The following LEPR variants were observed in gnomAD, a reference collection of about 807,000 sequenced individuals.
The protein encoded by LEPR is leptin receptor.
In LEPR, 56 loss-of-function variants were observed where a neutral mutation model predicts 114.7. The ratio of observed to expected loss-of-function variants is 0.49; its 90% CI spans 0.39 to 0.61. The LOEUF (loss-of-function observed/expected upper bound fraction) is 0.61, where lower values mean the gene tolerates loss of function less well. LEPR is among the 20% of genes least tolerant of loss of function. The pLI is 0.00. For synonymous variants in LEPR, 443 were observed against 461.4 expected (o/e 0.96, Z 0.51); for missense variants, 1,202 against 1,352.9 (o/e 0.89, Z 1.75).
intron 2 of LEPR, among the ~76,000 whole-genome samples, chr1:65,497,665 C>T (rs1015623436): frequency 3.9e-5 from 6 of 152,102 alleles, no homozygotes; most frequent in African/African-American, 1.2e-4. Context: ...GACATATAAA[C>T]AGGATGAAAC....
At chr1:65,617,613 G>A (rs1657610229) in intron 15 of LEPR, among the ~76,000 whole-genome samples, 1 of 152,224 alleles carries the variant, frequency 6.6e-6, no homozygotes, top group African/African-American at 2.4e-5. Context: ...TGTGCAGATG[G>A]TGTTAAAATG....
intron 2 of LEPR, among the ~76,000 whole-genome samples, chr1:65,486,046 T>TA (rs1366508916): frequency 2.0e-5 from 3 of 152,216 alleles, no homozygotes; most frequent in African/African-American, 7.2e-5. Context: ...TCTTCATAGT[T>TA]ATCTCCACTT....
intron 11 of LEPR, among the ~76,000 whole-genome samples, chr1:65,607,431 G>A (rs1656886793): frequency 6.6e-6 from 1 of 152,164 alleles, no homozygotes; most frequent in African/African-American, 2.4e-5. Context: ...CTGAGCCGTG[G>A]GCAGGTGTGG....
intron 2 of LEPR, chr1:65,494,070 A>G (rs553176152): frequency 9.9e-5 from 15 of 152,252 alleles, no homozygotes; most frequent in African/African-American, 3.6e-4. Flanking sequence ...GGGAGGTGGG[A>G]CAGTGCTGCT....
At chr1:65,426,511 A>C (rs1646374177) in intron 2 of LEPR, among the ~76,000 whole-genome samples, 1 of 152,142 alleles carries the variant, frequency 6.6e-6, no homozygotes, top group Non-Finnish European at 1.5e-5. Context: ...GACTGCAGTC[A>C]GGGAGAATAG....
At chr1:65,451,359 A>G (rs1255593623) in intron 2 of LEPR, among the ~76,000 whole-genome samples, 2 of 152,040 alleles carry the variant, frequency 1.3e-5, no homozygotes, top group Non-Finnish European at 2.9e-5. Context: ...GCCCATGCCT[A>G]TGTCCTGAAT....
In LEPR at chr1:65,633,225, T is replaced by TAGA; in HGVS notation, c.2674-2965_2674-2963dup. ...AATGTGCCAACTTCCCAACAGTCTA[T>TAGA]AGAGTATTAGAAGATTTTTACATTT... On this transcript the variant is annotated intron_variant, in intron 19 of 19. Transcript: ENST00000349533. The surrounding 1 kb of genome is among the most constrained non-coding windows in gnomAD (Gnocchi z 4.1). The TAGA allele has an allele frequency of 6.2e-7, 1 of 1,601,366 alleles. No homozygotes were observed. Among genetic ancestry groups the TAGA allele is most frequent in the Non-Finnish European group, 8.5e-7 (1 of 1,175,018 alleles).
intron 3 of LEPR, among the ~76,000 whole-genome samples, chr1:65,566,370 T>C (rs530297423): frequency 6.6e-6 from 1 of 152,110 alleles, no homozygotes; most frequent in Admixed American, 6.5e-5. Context: ...GCCCAGATAA[T>C]TTTTGTATTT....
chr1:65,596,651 A>G (rs2100914298), intron 7 of LEPR, 58 bp downstream of exon 7: 1 of 1,498,590 alleles, frequency 6.7e-7, no homozygotes, highest in East Asian at 2.3e-5. Context: ...GACCCTCTTA[A>G]GTCCCATAGC....
At chr1:65,534,103 C>G (rs1650591479) in intron 2 of LEPR, among the ~76,000 whole-genome samples, 1 of 152,074 alleles carries the variant, frequency 6.6e-6, no homozygotes, top group African/African-American at 2.4e-5. Context: ...TGTCAGTTTA[C>G]ATTTAATACA....
chr1:65,477,332 G>A (rs1326265619), intron 2 of LEPR, among the ~76,000 whole-genome samples: 1 of 152,200 alleles, frequency 6.6e-6, no homozygotes, highest in Non-Finnish European at 1.5e-5. Flanking sequence ...TAAGGGCAGA[G>A]ATTTTTGTCT....
chr1:65,548,824 G>A (rs566601807), intron 2 of LEPR, among the ~76,000 whole-genome samples: 38 of 152,234 alleles, frequency 2.5e-4, no homozygotes, highest in Non-Finnish European at 2.2e-4. Flanking sequence ...AGTTAATATC[G>A]TTATGTGTGA....
intron 2 of LEPR, among the ~76,000 whole-genome samples, chr1:65,564,553 C>A (rs1653583083): frequency 1.1e-5 from 1 of 91,786 alleles, no homozygotes; most frequent in Non-Finnish European, 2.4e-5. Context: ...GGAGCTGTTC[C>A]TATTCGGCCA....
intron 2 of LEPR, chr1:65,525,554 G>C (rs1222916763): frequency 2.3e-6 from 2 of 886,016 alleles, no homozygotes; most frequent in Non-Finnish European, 1.4e-6. Context: ...CTCAGGGGCG[G>C]CTGCGGAGGG....
chr1:65,524,480 G>A (rs1163752875), intron 2 of LEPR, among the ~76,000 whole-genome samples: 1 of 152,214 alleles, frequency 6.6e-6, no homozygotes, highest in African/African-American at 2.4e-5. Flanking sequence ...TCTGAGAGGC[G>A]ATTCCTATGA....
At chr1:65,423,300 AAG>A (rs1164870118) in intron 1 of LEPR, among the ~76,000 whole-genome samples, 1 of 152,202 alleles carries the variant, frequency 6.6e-6, no homozygotes, top group African/African-American at 2.4e-5. Flanking sequence ...GTGGAGTGAA[AAG>A]AGAGATGGGG....
chr1:65,597,101 T>C (rs1656117222), intron 7 of LEPR, among the ~76,000 whole-genome samples: 1 of 152,114 alleles, frequency 6.6e-6, no homozygotes, highest in African/African-American at 2.4e-5. Context: ...TTGATCACCA[T>C]GGCCTGTCTT....
At chr1:65,609,012 A>G in intron 12 of LEPR, 111 bp downstream of exon 12, 1 of 1,367,712 alleles carries the variant, frequency 7.3e-7, no homozygotes, top group Non-Finnish European at 1.0e-6. Flanking sequence ...ATTCTCCTGT[A>G]TTGTGTAGCT....
chr1:65,421,262 C>T (rs1455143171), intron 1 of LEPR: 1 of 1,447,270 alleles, frequency 6.9e-7, no homozygotes, highest in Non-Finnish European at 9.1e-7. Context: ...TTCTCGCAGT[C>T]GTGGAGAGTA....
Sources: gnomAD v4.1 joint callset for allele counts (sites outside exome capture counted in the v4.1 genomes callset) on GRCh38, gnomAD v4.1.1 for gene constraint, Gnocchi (gnomAD v3.1) non-coding constraint, MANE v1.5 for transcripts, NCBI Gene and HGNC (gene_info 2026-07-23, HGNC 2026-07-21) for gene names.